The following FSIP2 variants were observed in gnomAD, a reference collection of about 807,000 sequenced individuals.
FSIP2 encodes fibrous sheath-interacting protein 2.
FSIP2 carries 367 observed loss-of-function variants against 510.5 expected under a neutral mutation model. The observed-to-expected ratio is 0.72, with a 90% CI of 0.66 to 0.78. The LOEUF (loss-of-function observed/expected upper bound fraction) is 0.78, where lower values mean the gene tolerates loss of function less well. FSIP2 is among the 30% of genes least tolerant of loss of function. The pLI is 0.00. For synonymous variants in FSIP2, 2,601 were observed against 2,732.2 expected (o/e 0.95, Z 1.50); for missense variants, 7,594 against 7,901.7 (o/e 0.96, Z 1.48).
Position 185,808,524 on chromosome 2 carries a change from A to G in FSIP2, c.19218A>G (p.Glu6406=), listed in dbSNP as rs1693646356. 1 of 1,612,378 alleles carries G rather than the reference A, an allele frequency of 6.2e-7. No individual in the cohort carries two copies. The highest frequency in any genetic ancestry group is 8.5e-7 in the Non-Finnish European group (1 of 1,179,306). The change falls in exon 17 of 23, where the codon GAA becomes GAG. Residue 6406 remains glutamate, a synonymous_variant. Transcript: ENST00000424728. ...SSISLIASDP[E]EHCLNPENTE... ...TTAGTCTAATAGCTTCTGATCCTGA[A>G]GAGCACTGTTTAAATCCAGAAAATA...
chr2:185,749,967 A>G (rs1343254776), intron 7 of FSIP2, among the ~76,000 whole-genome samples: 1 of 151,826 alleles, frequency 6.6e-6, no homozygotes, highest in Non-Finnish European at 1.5e-5. Context: ...GATAACATAA[A>G]TTGATTTTTG....
intron 20 of FSIP2, among the ~76,000 whole-genome samples, chr2:185,827,134 T>C (rs1420743103): frequency 6.6e-6 from 1 of 151,866 alleles, no homozygotes; most frequent in Admixed American, 6.6e-5. Context: ...ATAAAGTATG[T>C]CAAATTATGT....
At position 185,833,193 on chromosome 2, in the gene FSIP2, A is replaced by C. The variant is rs754972657; in HGVS notation, c.20691A>C (p.Arg6897Ser). 2 of 1,611,286 alleles carry C rather than the reference A, an allele frequency of 1.2e-6. No individual in the cohort carries two copies. The highest frequency in any genetic ancestry group is 2.2e-5 in the South Asian group (2 of 90,862). Residue 6897 changes from arginine (R) to serine (S), a missense_variant, in exon 23 of 23, where the codon AGA (arginine) becomes AGC (serine). Physicochemically the swap from Arg to Ser is moderately radical, Grantham distance 110. Coordinates refer to ENST00000424728, the MANE Select transcript of FSIP2 (RefSeq NM_173651.4). ...VFSQCNTNIS[R>S]SSSPAHQDEH ...CTCAATGTAACACCAATATTTCCAG[A>C]TCTTCCTCACCAGCTCACCAGGATG... is the stretch of plus-strand genomic sequence containing the variant.
chr2:185,761,941 A>G (rs1293038530), intron 10 of FSIP2, 31 bp from the exon 11 acceptor site: 4 of 1,282,798 alleles, frequency 3.1e-6, no homozygotes, highest in Middle Eastern at 1.9e-4. Context: ...TTACTAATGT[A>G]ATTTTTTCTC....
chr2:185,766,381 A>G (rs1166822832), intron 13 of FSIP2: 3 of 149,144 alleles, frequency 2.0e-5, no homozygotes, highest in East Asian at 4.2e-4. Context: ...TGAACAGGCA[A>G]CCTACAAAAT....
In FSIP2 at chr2:185,789,376, C is replaced by G; in HGVS notation, c.2240C>G (p.Ser747Cys). Residue 747 changes from serine to cysteine, a missense_variant, in exon 16 of 23, where the codon TCC (serine) becomes TGC (cysteine). Transcript: ENST00000424728. ...QCEREKEILL[S>C]NAHIPSVASE... is the part of the protein sequence containing the mutation. ...GAACGTGAAAAAGAAATCTTGCTTT[C>G]CAATGCTCATATTCCCTCAGTTGCT... The G allele has an allele frequency of 6.5e-7, 1 of 1,534,974 alleles. No homozygotes were observed. Among genetic ancestry groups the G allele is most frequent in the Non-Finnish European group, 8.7e-7 (1 of 1,145,970 alleles).
intron 19 of FSIP2, among the ~76,000 whole-genome samples, chr2:185,823,836 G>A (rs1001642398): frequency 1.1e-4 from 17 of 151,758 alleles, no homozygotes; most frequent in African/African-American, 3.4e-4. Context: ...AATGTCCATC[G>A]ATAGATGAAT....
chr2:185,772,861 T>A (rs930219814), intron 13 of FSIP2, among the ~76,000 whole-genome samples: 18 of 151,942 alleles, frequency 1.2e-4, no homozygotes, highest in Non-Finnish European at 5.9e-5. Flanking sequence ...TCTTTTGTTT[T>A]TGTTTTTTTC....
Position 185,808,406 on chromosome 2 carries a change from G to A in FSIP2, c.19100G>A (p.Ser6367Asn). The A allele has an allele frequency of 6.2e-7, 1 of 1,609,264 alleles. No homozygotes were observed. The highest frequency in any genetic ancestry group is 8.5e-7 in the Non-Finnish European group (1 of 1,178,478). The change falls in exon 17 of 23, where the codon AGC becomes AAC. Residue 6367 changes from serine (S) to asparagine (N), a missense_variant. Coordinates refer to ENST00000424728, the MANE Select transcript of FSIP2 (RefSeq NM_173651.4). Reference protein sequence around the residue: ...AKLIRLPSSSSKDEKNLSKTE... With the variant: ...AKLIRLPSSSNKDEKNLSKTE... ...CTAATAAGGTTGCCAAGTTCCTCAA[G>A]CAAAGATGAAAAAAACTTATCAAAG...
intron 7 of FSIP2, among the ~76,000 whole-genome samples, chr2:185,752,855 T>C (rs1048035629): frequency 4.6e-5 from 7 of 151,524 alleles, no homozygotes; most frequent in Admixed American, 2.0e-4. Flanking sequence ...TATTCTTTGA[T>C]TGGATGCCAG....
chr2:185,800,201 A>G lies in FSIP2; in HGVS notation c.10895A>G (p.Lys3632Arg). The part of the protein sequence containing the change: ...DYHFESNVRN[K>R]SFSMHRNNSV... ...CACTTTGAAAGCAATGTAAGAAACAAATCATTTTCTATGCATAGAAATAAT... is the reference window on the plus strand; with the variant it reads ...CACTTTGAAAGCAATGTAAGAAACAGATCATTTTCTATGCATAGAAATAAT... Residue 3632 changes from lysine to arginine, a missense_variant, in exon 17 of 23, where the codon AAA becomes AGA. Lys to Arg is a conservative substitution (Grantham distance 26). Transcript: ENST00000424728. 1 of 1,532,424 alleles carries G rather than the reference A, an allele frequency of 6.5e-7. No homozygotes were observed. The highest frequency in any genetic ancestry group is 8.7e-7 in the Non-Finnish European group (1 of 1,144,772). 94.9% of individuals were successfully genotyped at this position (1,532,424 alleles called of 1,614,324 possible).
rs1181859323 is a variant in FSIP2 at position 185,803,894 on chromosome 2, T to C, written c.14588T>C (p.Met4863Thr). ...ATTTCAGCAAAAGATATCCAGTCTA[T>C]GGTTGATTCCATTTATGCTGATCTT... ...SMISAKDIQS[M>T]VDSIYADLSH... The change falls in exon 17 of 23, where the codon ATG (methionine) becomes ACG (threonine). Residue 4863 changes from methionine to threonine, a missense_variant. Coordinates refer to ENST00000424728, the MANE Select transcript of FSIP2 (RefSeq NM_173651.4). 2.0e-6 allele frequency: 3 copies of C among 1,526,204 alleles called. No individual in the cohort carries two copies. The allele number at this position is 1,526,204 out of a possible 1,614,324, so 94.5% of individuals were successfully genotyped here.
At position 185,806,532 on chromosome 2, in the gene FSIP2, C is replaced by G; in HGVS notation, c.17226C>G (p.Ile5742Met). Residue 5742 changes from isoleucine to methionine, a missense_variant, in exon 17 of 23, where the codon ATC becomes ATG. Physicochemically the swap from Ile to Met is conservative, Grantham distance 10 (BLOSUM62 1). Coordinates refer to ENST00000424728, the MANE Select transcript of FSIP2 (RefSeq NM_173651.4). ...TATCCTCCTCAACTAACAAAAATAT[C>G]TCTGCCAAAGAAAAAGAAGAGGAAG... ...KKVSSSTNKN[I>M]SAKEKEEEER... 1 of 1,597,596 alleles carries G rather than the reference C, an allele frequency of 6.3e-7. No homozygotes were observed. The highest frequency in any genetic ancestry group is 1.1e-5 in the South Asian group (1 of 87,650).
chr2:185,742,854 C>T (rs1691950608), intron 2 of FSIP2, among the ~76,000 whole-genome samples: 1 of 152,128 alleles, frequency 6.6e-6, no homozygotes, highest in Non-Finnish European at 1.5e-5. Context: ...CCTTTCTTTT[C>T]CTCTTCTCTT....
At chr2:185,825,411 G>A (rs1489430466) in intron 20 of FSIP2, among the ~76,000 whole-genome samples, 1 of 151,742 alleles carries the variant, frequency 6.6e-6, no homozygotes, top group African/African-American at 2.4e-5. Context: ...ACAGACCAAT[G>A]TAACAGACAT....
At chr2:185,812,351 A>G (rs1282015575) in intron 17 of FSIP2, among the ~76,000 whole-genome samples, 1 of 152,134 alleles carries the variant, frequency 6.6e-6, no homozygotes, top group Non-Finnish European at 1.5e-5. Flanking sequence ...CCCTTCTGTC[A>G]GGCCAATTTC....
In FSIP2 at chr2:185,800,194, A is replaced by G. The variant is rs1283570525; in HGVS notation, c.10888A>G (p.Arg3630Gly). 1 of 1,532,644 alleles carries G rather than the reference A, an allele frequency of 6.5e-7. No homozygotes were observed. The highest frequency in any genetic ancestry group is 1.2e-5 in the South Asian group (1 of 83,620). The allele number at this position is 1,532,644 out of a possible 1,614,324, so 94.9% of individuals were successfully genotyped here. The change falls in exon 17 of 23, where the codon AGA becomes GGA. Residue 3630 changes from arginine (R) to glycine (G), a missense_variant. By Grantham distance (125) the Arg-to-Gly change is moderately radical (BLOSUM62 -2). Coordinates refer to ENST00000424728, the MANE Select transcript of FSIP2 (RefSeq NM_173651.4). ...AGATTATCACTTTGAAAGCAATGTAAGAAACAAATCATTTTCTATGCATAG... is the reference window on the plus strand; with the variant it reads ...AGATTATCACTTTGAAAGCAATGTAGGAAACAAATCATTTTCTATGCATAG... ...EVDYHFESNV[R>G]NKSFSMHRNN...
rs755659415 is a variant in FSIP2, at chr2:185,792,251, T to C, written c.5115T>C (p.Ile1705=). ...FNEMESEGGG[I]ETYRYRPTYG... is the part of the protein sequence containing the mutation. ...AAATGGAATCTGAAGGGGGAGGCATTGAAACTTATCGATACAGGCCAACAT... is the reference window on the plus strand; with the variant it reads ...AAATGGAATCTGAAGGGGGAGGCATCGAAACTTATCGATACAGGCCAACAT... The change falls in exon 16 of 23, where the codon ATT becomes ATC. Residue 1705 remains isoleucine (I), a synonymous_variant. Coordinates refer to ENST00000424728, the MANE Select transcript of FSIP2 (RefSeq NM_173651.4). 6.5e-7 allele frequency: 1 copy of C among 1,533,344 alleles called. No individual in the cohort carries two copies. 95.0% of individuals were successfully genotyped at this position (1,533,344 alleles called of 1,614,324 possible). A position where few individuals can be genotyped will look rare whatever the true frequency, so the allele number is the denominator to read the frequency against.
chr2:185,789,549 T>G lies in FSIP2; in HGVS notation c.2413T>G (p.Leu805Val), dbSNP rs768015964. 62 of 1,534,618 alleles carry G rather than the reference T, an allele frequency of 4.0e-5. No individual in the cohort carries two copies. The highest frequency in any genetic ancestry group is 5.1e-5 in the Non-Finnish European group (59 of 1,145,898). The change falls in exon 16 of 23, where the codon TTG becomes GTG. Residue 805 changes from leucine to valine, a missense_variant. Coordinates refer to ENST00000424728, the MANE Select transcript of FSIP2 (RefSeq NM_173651.4). Reference sequence around the variant, plus strand: ...TCTCACATCATCTAATGGAAAACCTTTGAAAAATTCAATGCCTCATACTTT... The same window carrying G: ...TCTCACATCATCTAATGGAAAACCTGTGAAAAATTCAATGCCTCATACTTT... ...ELLTSSNGKP[L>V]KNSMPHTLDP...
Sources: gnomAD v4.1 joint callset for allele counts (sites outside exome capture counted in the v4.1 genomes callset) on GRCh38, gnomAD v4.1.1 for gene constraint, MANE v1.5 for transcripts, NCBI Gene and HGNC (gene_info 2026-07-23, HGNC 2026-07-21) for gene names.